Variants in FGF13 observed in about 807,000 individuals in gnomAD.
FGF13 encodes the protein fibroblast growth factor homologous factor 2.
In FGF13, 2 loss-of-function variants were observed where a neutral mutation model predicts 19.5. The ratio of observed to expected loss-of-function variants is 0.10; its 90% confidence interval spans 0.04 to 0.32. The LOEUF is 0.32. Ranked by LOEUF, FGF13 falls within the 10% of genes least tolerant of loss-of-function variation. FGF13 has a pLI of 1.00. For synonymous variants in FGF13, 72 were observed against 76.9 expected (o/e 0.94, Z 0.33); for missense variants, 113 against 192.7 (o/e 0.59, Z 2.45).
intron 1 of FGF13, among the ~76,000 whole-genome samples, chrX:138,972,056 T>TTGTGTGTGTGTGTGTGTG (rs370317832): frequency 0.017 from 1,660 of 94,900 alleles, 20 homozygotes; most frequent in Middle Eastern, 0.064. Context: ...TAGTATTCTA[T>TTGTGTGTGTGTGTGTGTG]TGTGTGTGTG....
At chrX:138,849,582 T>C (rs1262313428) in intron 3 of FGF13, among the ~76,000 whole-genome samples, 3 of 111,629 alleles carry the variant, frequency 2.7e-5, no homozygotes, top group Non-Finnish European at 5.7e-5. Flanking sequence ...TGGGCTTGAT[T>C]TGGGGAATCA....
intron 3 of FGF13, among the ~76,000 whole-genome samples, chrX:138,778,405 G>C (rs1186560385): frequency 2.7e-5 from 3 of 111,805 alleles, no homozygotes; most frequent in African/African-American, 6.5e-5. Flanking sequence ...CTGAGGTACC[G>C]GGTTCATCTC....
At chrX:139,004,169 C>G (rs1392917577) in intron 1 of FGF13, among the ~76,000 whole-genome samples, 1 of 112,890 alleles carries the variant, frequency 8.9e-6, no homozygotes, top group African/African-American at 3.2e-5. Flanking sequence ...GAGCCCTGCC[C>G]CGCAGGAAGG....
intron 3 of FGF13, among the ~76,000 whole-genome samples, chrX:138,776,782 C>T (rs779133580): frequency 9.0e-6 from 1 of 111,595 alleles, no homozygotes; most frequent in African/African-American, 3.3e-5. Context: ...TTTTTGGGAC[C>T]TCGCTCTGTT....
chrX:138,944,665 C>T (rs777680447), intron 1 of FGF13, among the ~76,000 whole-genome samples: 1 of 110,516 alleles, frequency 9.0e-6, no homozygotes, highest in South Asian at 3.9e-4. Flanking sequence ...TTCTAAGGGC[C>T]CCTCAAGTTC....
intron 3 of FGF13, among the ~76,000 whole-genome samples, chrX:138,751,225 C>T (rs750363735): frequency 3.6e-5 from 4 of 111,283 alleles, no homozygotes; most frequent in Non-Finnish European, 7.5e-5. Flanking sequence ...TCCCTGCACC[C>T]TCTATTGCCC....
intron 1 of FGF13, among the ~76,000 whole-genome samples, chrX:138,927,419 A>G (rs1479818263): frequency 9.0e-6 from 1 of 111,694 alleles, no homozygotes; most frequent in African/African-American, 3.3e-5. Context: ...TCCATGAAAT[A>G]GACCACACTT....
At position 138,817,132 on chromosome X, in the gene FGF13, G is replaced by A. The variant is rs1295887833; in HGVS notation, c.217+40380C>T. On this transcript the variant is annotated intron_variant, in intron 3 of 6. Coordinates refer to the FGF13 transcript ENST00000436198. ...AACTGTGTGGATAGCACTTCAGGAG[G>A]CCCTGCAATGATAGGAGGGCAAATG... Among the ~76,000 whole-genome samples the A allele has an allele frequency of 2.7e-5, 3 of 111,714 alleles. No homozygotes were observed. In the South Asian group the frequency reaches 1.1e-3, roughly 43 times the overall value.
chrX:139,139,898 T>C (rs2083829830), intron 1 of FGF13, among the ~76,000 whole-genome samples: 2 of 111,806 alleles, frequency 1.8e-5, no homozygotes, highest in African/African-American at 3.3e-5. Context: ...AAACACCCTA[T>C]ACATGGCTTG....
At chrX:138,690,941 C>A (rs1289896736) in intron 3 of FGF13, among the ~76,000 whole-genome samples, 1 of 111,345 alleles carries the variant, frequency 9.0e-6, no homozygotes, top group Non-Finnish European at 1.9e-5. Flanking sequence ...CAGACATTGA[C>A]AGTATGAATG....
intron 1 of FGF13, among the ~76,000 whole-genome samples, chrX:139,084,842 C>A (rs2124443943): frequency 8.9e-6 from 1 of 112,398 alleles, no homozygotes; most frequent in East Asian, 2.8e-4. Flanking sequence ...TTTATTGGCT[C>A]TTTAATGATA....
At position 138,793,367 on chromosome X, in the gene FGF13, C is replaced by G. The variant is rs1258685817; in HGVS notation, c.217+64145G>C. Among the ~76,000 whole-genome samples the G allele has an allele frequency of 4.5e-5, 5 of 111,429 alleles. No homozygotes were observed. In the East Asian group the frequency reaches 1.4e-3, roughly 32 times the overall value. On this transcript the variant is annotated intron_variant, in intron 3 of 6. Coordinates refer to the FGF13 transcript ENST00000436198. ...TTCTAGATACACAAGAGGATAGTTC[C>G]ATTTACCTCTAGGGCTGAGTACTTT... is the stretch of plus-strand genomic sequence containing the variant.
intron 3 of FGF13, among the ~76,000 whole-genome samples, chrX:138,747,847 G>A (rs909611500): frequency 9.0e-6 from 1 of 111,436 alleles, no homozygotes; most frequent in African/African-American, 3.3e-5. Flanking sequence ...TCTAGGCAAG[G>A]GTTCTTTGAG....
chrX:139,152,635 A>G (rs1258231083), intron 1 of FGF13, among the ~76,000 whole-genome samples: 1 of 111,066 alleles, frequency 9.0e-6, no homozygotes, highest in Non-Finnish European at 1.9e-5. Context: ...TGCCTACTCC[A>G]TGCCCAGAAA....
intron 1 of FGF13, among the ~76,000 whole-genome samples, chrX:138,992,650 A>G (rs962886228): frequency 1.8e-5 from 2 of 111,701 alleles, no homozygotes; most frequent in African/African-American, 6.5e-5. Context: ...AATGGAGAAG[A>G]AGGGCAGATC....
chrX:138,744,013 T>C (rs961601688), upstream of FGF13, among the ~76,000 whole-genome samples: 26 of 111,380 alleles, frequency 2.3e-4, no homozygotes, highest in African/African-American at 8.5e-4. Context: ...GTGAATCCAA[T>C]TGCTTGAAGT....
intron 1 of FGF13, among the ~76,000 whole-genome samples, chrX:138,725,876 G>C (rs1569375955): frequency 2.7e-5 from 3 of 111,220 alleles, no homozygotes; most frequent in Admixed American, 9.6e-5. Flanking sequence ...ATTATAATAA[G>C]GCAACATTTG....
chrX:139,183,327 G>C (rs543411355), intron 1 of FGF13, among the ~76,000 whole-genome samples: 1 of 112,113 alleles, frequency 8.9e-6, no homozygotes, highest in South Asian at 3.7e-4. Flanking sequence ...TATCCACCTA[G>C]AAGTGGCAAG....
At chrX:138,941,276 T>A (rs1007823262) in intron 1 of FGF13, among the ~76,000 whole-genome samples, 5 of 112,026 alleles carry the variant, frequency 4.5e-5, no homozygotes, top group Admixed American at 9.5e-5. Context: ...AGACTATTCC[T>A]GTTTGCAGAC....
Sources: gnomAD v4.1 joint callset for allele counts (sites outside exome capture counted in the v4.1 genomes callset) on GRCh38, gnomAD v4.1.1 for gene constraint, MANE v1.5 for transcripts, NCBI Gene and HGNC (gene_info 2026-07-23, HGNC 2026-07-21) for gene names.